HDAC4: variants seen among roughly 807,000 people sequenced by gnomAD.
The protein encoded by HDAC4 is histone deacetylase 4.
HDAC4 carries 16 observed loss-of-function variants against 135.1 expected under a neutral mutation model. The ratio of observed to expected loss-of-function variants is 0.12; its 90% CI spans 0.08 to 0.18. HDAC4 has a LOEUF of 0.18. Ranked by LOEUF, HDAC4 falls within the 10% of genes least tolerant of loss-of-function variation. The probability of loss-of-function intolerance (pLI) is 1.00; values close to 1 mark genes in which losing one functional copy is unlikely to be tolerated. For missense variants in HDAC4, 1,143 were observed against 1,511.8 expected (o/e 0.76, Z 4.05); for synonymous variants, 685 against 653.4 (o/e 1.05, Z -0.74).
intron 15 of HDAC4, among the ~76,000 whole-genome samples, chr2:239,103,819 C>T (rs533772335): frequency 5.3e-5 from 8 of 152,366 alleles, no homozygotes; most frequent in Admixed American, 2.0e-4. Flanking sequence ...CACCAGGAGC[C>T]GTAGCACACA....
At chr2:239,325,892 G>T (rs997325086) in intron 2 of HDAC4, among the ~76,000 whole-genome samples, 14 of 152,182 alleles carry the variant, frequency 9.2e-5, no homozygotes, top group Admixed American at 8.5e-4. Flanking sequence ...TTGAACCCCG[G>T]GGGACAGAGG....
chr2:239,336,698 A>G (rs2125845061), intron 2 of HDAC4, among the ~76,000 whole-genome samples: 1 of 152,304 alleles, frequency 6.6e-6, no homozygotes, highest in Non-Finnish European at 1.5e-5. Context: ...GCTGCCATAT[A>G]CCCTACCAAT....
chr2:239,347,639 C>T (rs986371166), intron 2 of HDAC4, among the ~76,000 whole-genome samples: 1 of 152,108 alleles, frequency 6.6e-6, no homozygotes, highest in Non-Finnish European at 1.5e-5. Context: ...CTCAGCCTCC[C>T]GAGTAGCTGG....
intron 2 of HDAC4, among the ~76,000 whole-genome samples, chr2:239,248,095 G>A (rs1057381369): frequency 6.6e-6 from 1 of 152,146 alleles, no homozygotes; most frequent in African/African-American, 2.4e-5. Context: ...CTACCCAAGT[G>A]ACAGGCCGGT....
chr2:239,375,720 G>A (rs1018092695), intron 1 of HDAC4, among the ~76,000 whole-genome samples: 3 of 152,196 alleles, frequency 2.0e-5, no homozygotes, highest in Admixed American at 6.5e-5. Flanking sequence ...GCATGGGGAC[G>A]CTGCTTGCCA....
chr2:239,147,034 C>T (rs1442932194), intron 7 of HDAC4, among the ~76,000 whole-genome samples: 2 of 152,202 alleles, frequency 1.3e-5, no homozygotes, highest in Non-Finnish European at 2.9e-5. Flanking sequence ...CTGGGGCCCT[C>T]CGCTCGTCCC....
chr2:239,181,373 G>A (rs2044139238), intron 4 of HDAC4, among the ~76,000 whole-genome samples: 1 of 152,226 alleles, frequency 6.6e-6, no homozygotes, highest in Admixed American at 6.5e-5. Flanking sequence ...GCAGATGTGT[G>A]GGCACAGGCA....
rs183936251 is a variant in HDAC4 at position 239,341,984 on chromosome 2, C to A, written c.22+10694G>T. Among the ~76,000 whole-genome samples, 824 of 152,252 alleles carry A rather than the reference C, an allele frequency of 5.4e-3. 4 individuals are homozygous for A. The highest frequency in any genetic ancestry group is 7.4e-3 in the Non-Finnish European group (502 of 68,016). ...TCACCCCTTCCAACAGGTGAGGACA[C>A]AGCAAGAAGGCACCATCTGTGAAGC... On this transcript the variant is annotated intron_variant, in intron 2 of 26. Transcript: ENST00000543185.
chr2:239,189,347 CA>C (rs34390084), intron 4 of HDAC4, among the ~76,000 whole-genome samples: 1 of 151,508 alleles, frequency 6.6e-6, no homozygotes, highest in African/African-American at 2.4e-5. Context: ...CAGTAAGTAC[CA>C]AAAAAAGTCT....
At chr2:239,270,167 C>A (rs2049979517) in intron 2 of HDAC4, among the ~76,000 whole-genome samples, 1 of 152,196 alleles carries the variant, frequency 6.6e-6, no homozygotes, top group South Asian at 2.1e-4. Flanking sequence ...TGGAGGCTGC[C>A]CCATCAGCTC....
At chr2:239,375,911 T>G (rs888179968) in intron 1 of HDAC4, among the ~76,000 whole-genome samples, 5 of 152,178 alleles carry the variant, frequency 3.3e-5, no homozygotes, top group African/African-American at 1.2e-4. Context: ...TGCCTGGCAG[T>G]CACCCCACCC....
intron 16 of HDAC4, among the ~76,000 whole-genome samples, chr2:239,101,445 G>A (rs1408731181): frequency 6.6e-6 from 1 of 152,172 alleles, no homozygotes; most frequent in Non-Finnish European, 1.5e-5. Context: ...CCGGGCACAG[G>A]CCTGGCACGG....
intron 8 of HDAC4, 38 bp downstream of exon 8, chr2:239,144,545 A>G (rs750189169): frequency 1.9e-6 from 3 of 1,612,220 alleles, no homozygotes; most frequent in Non-Finnish European, 2.5e-6. Flanking sequence ...CCTGGCAGAG[A>G]GGGCAGCGGG....
Position 239,134,538 on chromosome 2 carries a change from C to T in HDAC4, c.1084G>A (p.Gly362Ser), listed in dbSNP as rs745530862. The T allele has an allele frequency of 2.9e-5, 47 of 1,613,834 alleles. No individual in the cohort carries two copies. Among genetic ancestry groups the T allele is most frequent in the South Asian group, 1.2e-4 (11 of 91,080 alleles). The change falls in exon 10 of 27, where the codon GGC becomes AGC. Residue 362 changes from glycine to serine, a missense_variant. Gly to Ser is a moderately conservative substitution (Grantham distance 56, BLOSUM62 0). Transcript: ENST00000543185. ...PNITLGLPAT[G>S]PSAGTAGQQD... is the part of the protein sequence containing the mutation. The stretch of plus-strand genomic sequence containing the variant: ...GGGGGCTGACTTACCGCAGAGGGGC[C>T]GGTGGCAGGCAGGCCCAGCGTGATG...
At chr2:239,088,534 G>A (rs902904577) in intron 18 of HDAC4, among the ~76,000 whole-genome samples, 2 of 152,250 alleles carry the variant, frequency 1.3e-5, no homozygotes, top group Admixed American at 1.3e-4. Flanking sequence ...TAGTCCTGAG[G>A]CTCTATGTAC....
At chr2:239,096,358 C>G (rs1385457962) in intron 16 of HDAC4, among the ~76,000 whole-genome samples, 2 of 104,730 alleles carry the variant, frequency 1.9e-5, no homozygotes, top group African/African-American at 3.7e-5. Flanking sequence ...ACCCCACCGA[C>G]AGATGCCTGC....
At chr2:239,218,407 C>T (rs1311635687) in intron 3 of HDAC4, among the ~76,000 whole-genome samples, 1 of 151,086 alleles carries the variant, frequency 6.6e-6, no homozygotes, top group East Asian at 2.0e-4. Flanking sequence ...GGAAAACTGG[C>T]TAGCCATATG....
upstream of HDAC4, chr2:239,401,597 C>G (rs73106726): frequency 0.019 from 4,652 of 248,416 alleles, 235 homozygotes; most frequent in African/African-American, 0.1. Flanking sequence ...GGGGTGCAGG[C>G]TAACGCGGGG....
intron 22 of HDAC4, among the ~76,000 whole-genome samples, chr2:239,078,209 G>A (rs2034958470): frequency 6.6e-6 from 1 of 152,202 alleles, no homozygotes. Flanking sequence ...CTGGCACCGG[G>A]ACTGGTTTGA....
Sources: gnomAD v4.1 joint callset for allele counts (sites outside exome capture counted in the v4.1 genomes callset) on GRCh38, gnomAD v4.1.1 for gene constraint, MANE v1.5 for transcripts, NCBI Gene and HGNC (gene_info 2026-07-23, HGNC 2026-07-21) for gene names.